The following GANC variants were observed in gnomAD, a reference collection of about 807,000 sequenced individuals.
GANC encodes glucosidase alpha, neutral C, also known as neutral alpha-glucosidase C.
A neutral mutation model predicts 124.2 loss-of-function variants in GANC; 117 were observed. The ratio of observed to expected loss-of-function variants is 0.94; its 90% confidence interval spans 0.81 to 1.10. The LOEUF (loss-of-function observed/expected upper bound fraction) is 1.10. Ranked by LOEUF, GANC falls within the 50% of genes least tolerant of loss-of-function variation. GANC has a pLI of 0.00. For missense variants in GANC, 1,140 were observed against 1,095.0 expected (o/e 1.04, Z -0.58); for synonymous variants, 377 against 376.8 (o/e 1.00, Z -0.01).
chr15:42,320,958 C>T (rs1182336340), intron 10 of GANC, among the ~76,000 whole-genome samples: 1 of 152,216 alleles, frequency 6.6e-6, no homozygotes, highest in Non-Finnish European at 1.5e-5. Context: ...GTTGAAATTA[C>T]TCCACTCCCA....
intron 15 of GANC, among the ~76,000 whole-genome samples, chr15:42,337,797 C>CAA (rs2052294344): frequency 6.6e-6 from 1 of 152,322 alleles, no homozygotes; most frequent in South Asian, 2.1e-4. Flanking sequence ...CATGGTGGCT[C>CAA]ACGCCTATAA....
At chr15:42,295,349 T>G (rs1170068149) in intron 5 of GANC, among the ~76,000 whole-genome samples, 4 of 152,098 alleles carry the variant, frequency 2.6e-5, no homozygotes, top group Admixed American at 6.5e-5. Context: ...GATTTACATT[T>G]ATATTTATAA....
chr15:42,340,831 A>C lies in GANC; in HGVS notation c.2152+77A>C. ...ACCTAGGCTGGAGTGCAGTGATGCT[A>C]TCTCGGCTCACTGCAACCTCCGCCT... is the stretch of plus-strand genomic sequence containing the variant. On this transcript the variant is annotated intron_variant, in intron 18 of 23. Coordinates refer to ENST00000318010, the MANE Select transcript of GANC (RefSeq NM_198141.3). The C allele has an allele frequency of 2.6e-6, 3 of 1,173,438 alleles. 1 individual carries two copies. The highest frequency in any genetic ancestry group is 3.6e-6 in the Non-Finnish European group (3 of 830,768). The allele number at this position is 1,173,438 out of a possible 1,614,324, so 72.7% of individuals were successfully genotyped here.
chr15:42,317,788 G>A (rs2052121345), intron 10 of GANC, among the ~76,000 whole-genome samples: 1 of 152,178 alleles, frequency 6.6e-6, no homozygotes, highest in Non-Finnish European at 1.5e-5. Flanking sequence ...GGGCACCCAT[G>A]CAGGAATAAG....
Position 42,287,719 on chromosome 15 carries a change from T to C in GANC, c.230T>C (p.Ile77Thr), listed in dbSNP as rs142550464. The change falls in exon 4 of 24, where the codon ATA becomes ACA. Residue 77 changes from isoleucine (I) to threonine (T), a missense_variant. Transcript: ENST00000318010. Reference protein sequence around the residue: ...KVPLLAEIYGIEGNIFRLKIN... With the variant: ...KVPLLAEIYGTEGNIFRLKIN... The stretch of plus-strand genomic sequence containing the variant: ...CCTCTCCTGGCTGAAATTTATGGTA[T>C]AGAAGGAAACATTTTCAGGCTTAAA... 5 of 1,612,926 alleles carry C rather than the reference T, an allele frequency of 3.1e-6. No homozygotes were observed. The East Asian group carries it at 8.9e-5, about 29-fold the overall frequency.
chr15:42,291,227 A>G (rs546419290), intron 4 of GANC, among the ~76,000 whole-genome samples: 2 of 152,340 alleles, frequency 1.3e-5, no homozygotes, highest in East Asian at 3.9e-4. Context: ...AAGGAACTTA[A>G]TTGTAGATCA....
chr15:42,339,850 C>T lies in GANC; in HGVS notation c.2025C>T (p.Gly675=). ...GAGAAGCCATCAGAGAGCGCTATGG[C>T]CTCCTGCCATATTGGTATTCTCTGT... ...LIREAIRERY[G]LLPYWYSLFY... is the part of the protein sequence containing the mutation. Residue 675 remains glycine, a synonymous_variant, in exon 17 of 24, where the codon GGC becomes GGT. Coordinates refer to ENST00000318010, the MANE Select transcript of GANC (RefSeq NM_198141.3). 6.2e-7 allele frequency: 1 copy of T among 1,614,142 alleles called. No individual in the cohort carries two copies. Among genetic ancestry groups the T allele is most frequent in the Non-Finnish European group, 8.5e-7 (1 of 1,180,000 alleles).
chr15:42,309,598 G>A (rs887222474), intron 8 of GANC, among the ~76,000 whole-genome samples: 2 of 151,946 alleles, frequency 1.3e-5, no homozygotes, highest in South Asian at 2.1e-4. Context: ...GATTACAGGC[G>A]TGAGCCACCG....
chr15:42,324,801 G>T (rs1420326935), intron 11 of GANC, among the ~76,000 whole-genome samples: 1 of 152,128 alleles, frequency 6.6e-6, no homozygotes, highest in Non-Finnish European at 1.5e-5. Context: ...GCTAGGAGGA[G>T]GGAATGAGAA....
intron 8 of GANC, among the ~76,000 whole-genome samples, chr15:42,310,035 G>A (rs957006728): frequency 5.3e-5 from 8 of 151,930 alleles, no homozygotes; most frequent in Non-Finnish European, 1.0e-4. Flanking sequence ...AGAAAAAGGA[G>A]ATATTTAGAA....
rs372645238 is a variant in GANC at position 42,326,279 on chromosome 15, A to G, written c.1294-19A>G. ...TTACATAAAACTGATGAGACCTCCAAACCTTCATGTCCTGACAGCTTGTGG... is the reference window on the plus strand; with the variant it reads ...TTACATAAAACTGATGAGACCTCCAGACCTTCATGTCCTGACAGCTTGTGG... On this transcript the variant is annotated intron_variant, in intron 11 of 23. Coordinates refer to ENST00000318010, the MANE Select transcript of GANC (RefSeq NM_198141.3). 11 of 1,570,880 alleles carry G rather than the reference A, an allele frequency of 7.0e-6. No individual in the cohort carries two copies. The highest frequency in any genetic ancestry group is 6.7e-5 in the African/African-American group (5 of 74,114).
chr15:42,308,452 T>C (rs2052019333), intron 8 of GANC, 134 bp downstream of exon 8: 1 of 562,008 alleles, frequency 1.8e-6, no homozygotes, highest in Non-Finnish European at 3.3e-6. Flanking sequence ...TGTGGATCTT[T>C]AAGAACCCTC....
At chr15:42,281,463 C>T (rs143886322) in intron 3 of GANC, among the ~76,000 whole-genome samples, 5 of 152,088 alleles carry the variant, frequency 3.3e-5, no homozygotes, top group Admixed American at 6.5e-5. Flanking sequence ...GCAGGCAGAT[C>T]GCTTGAGGCC....
At chr15:42,283,573 A>G (rs1441649203) in intron 3 of GANC, 1 of 692,834 alleles carries the variant, frequency 1.4e-6, no homozygotes, top group Admixed American at 2.0e-5. Context: ...CTCATGATAT[A>G]GGTGACCATT....
rs2141003323 is a variant in GANC at position 42,273,538 on chromosome 15, C to G, written c.-944C>G. On this transcript the variant is annotated 5_prime_UTR_variant, in exon 1 of 24. Coordinates refer to ENST00000318010, the MANE Select transcript of GANC (RefSeq NM_198141.3). ...CTTGTTTGCTGTGCGGCGTAGCGGCCCCTCTCTCAGACAGTCGTCTGTGCG... is the reference window on the plus strand; with the variant it reads ...CTTGTTTGCTGTGCGGCGTAGCGGCGCCTCTCTCAGACAGTCGTCTGTGCG... 3.5e-6 allele frequency: 5 copies of G among 1,415,934 alleles called. No individual in the cohort carries two copies. Among genetic ancestry groups the G allele is most frequent in the Non-Finnish European group, 4.7e-6 (5 of 1,063,252 alleles). 87.7% of individuals were successfully genotyped at this position (1,415,934 alleles called of 1,614,324 possible). A position where few individuals can be genotyped will look rare whatever the true frequency, so the allele number is the denominator to read the frequency against.
At position 42,352,685 on chromosome 15, in the gene GANC, G is replaced by C. The variant is rs141197501; in HGVS notation, c.*546G>C. 7.1e-6 allele frequency: 7 copies of C among 985,838 alleles called. No homozygotes were observed. The highest frequency in any genetic ancestry group is 3.6e-6 in the Non-Finnish European group (3 of 830,008). 61.1% of individuals were successfully genotyped at this position (985,838 alleles called of 1,614,324 possible). A position where few individuals can be genotyped will look rare whatever the true frequency, so the allele number is the denominator to read the frequency against. Reference sequence around the variant, plus strand: ...TGGGAGTTATTCTCCCCTAGAGATCGACTTGGCAGCACGAAGGATTCTTTT... The same window carrying C: ...TGGGAGTTATTCTCCCCTAGAGATCCACTTGGCAGCACGAAGGATTCTTTT... On this transcript the variant is annotated 3_prime_UTR_variant, in exon 24 of 24. Coordinates refer to ENST00000318010, the MANE Select transcript of GANC (RefSeq NM_198141.3).
chr15:42,300,013 A>G (rs2051930395), intron 6 of GANC, among the ~76,000 whole-genome samples: 1 of 152,238 alleles, frequency 6.6e-6, no homozygotes, highest in Non-Finnish European at 1.5e-5. Context: ...TAAAAACCCT[A>G]GAAGAAAACC....
At chr15:42,281,692 C>T (rs151333874) in intron 3 of GANC, among the ~76,000 whole-genome samples, 1 of 151,964 alleles carries the variant, frequency 6.6e-6, no homozygotes, top group Non-Finnish European at 1.5e-5. Context: ...AAAAAATTGA[C>T]CTAAAACATG....
At chr15:42,331,525 C>G (rs2052245696) in intron 15 of GANC, among the ~76,000 whole-genome samples, 1 of 152,140 alleles carries the variant, frequency 6.6e-6, no homozygotes, top group Admixed American at 6.6e-5. Flanking sequence ...CAACGGAGAG[C>G]TTAGATCCTA....
Sources: gnomAD v4.1 joint callset for allele counts (sites outside exome capture counted in the v4.1 genomes callset) on GRCh38, gnomAD v4.1.1 for gene constraint, MANE v1.5 for transcripts, NCBI Gene and HGNC (gene_info 2026-07-23, HGNC 2026-07-21) for gene names.